The following NLRP9 variants were observed in gnomAD, a reference collection of about 807,000 sequenced individuals.
NLRP9 encodes NLR family pyrin domain containing 9.
A neutral mutation model predicts 83.1 loss-of-function variants in NLRP9; 88 were observed. The ratio of observed to expected loss-of-function variants is 1.06; its 90% CI spans 0.89 to 1.26. The LOEUF is 1.26. Among genes scored for constraint, NLRP9 ranks in the 50% most tolerant of loss-of-function variants. The pLI is 0.00. For synonymous variants in NLRP9, 521 were observed against 447.6 expected, an observed-to-expected ratio of 1.16 and a Z score of -2.07; for missense variants, 1,308 against 1,179.3, an observed-to-expected ratio of 1.11 and a Z score of -1.60.
At chr19:55,713,534 T>C (rs1042512452) in intron 6 of NLRP9, among the ~76,000 whole-genome samples, 1 of 147,926 alleles carries the variant, frequency 6.8e-6, no homozygotes, top group African/African-American at 2.5e-5. Flanking sequence ...GGAGACATTT[T>C]TGGTCTACCA....
chr19:55,716,775 C>T lies in NLRP9; in HGVS notation c.2283G>A (p.Leu761=), dbSNP rs201577867. 3 of 1,613,932 alleles carry T rather than the reference C, an allele frequency of 1.9e-6. No homozygotes were observed. The change falls in exon 5 of 9, where the codon TTG becomes TTA. Residue 761 remains leucine (L), a synonymous_variant. Transcript: ENST00000332836. ...ENPLRDEGMT[L]LCEALKHSHC... ...GTGAGTGCTTCAGGGCTTCACACAG[C>T]AACGTCATTCCTTCGTCCCTCAAGG... is the stretch of plus-strand genomic sequence containing the variant.
At chr19:55,722,759 A>G (rs1988268485) in intron 4 of NLRP9, among the ~76,000 whole-genome samples, 1 of 152,234 alleles carries the variant, frequency 6.6e-6, no homozygotes, top group Admixed American at 6.5e-5. Context: ...AACGCCCATC[A>G]ATGATAGACT....
At chr19:55,718,929 T>A (rs2122298991) in intron 4 of NLRP9, among the ~76,000 whole-genome samples, 1 of 152,354 alleles carries the variant, frequency 6.6e-6, no homozygotes. Context: ...TCTATCTGGC[T>A]GCACATCTGT....
At chr19:55,735,903 GT>G (rs1988772870) in intron 1 of NLRP9, among the ~76,000 whole-genome samples, 1 of 151,734 alleles carries the variant, frequency 6.6e-6, no homozygotes, top group Admixed American at 6.6e-5. Flanking sequence ...GGCCAGGCTG[GT>G]CTCGAACTCC....
In NLRP9 at chr19:55,731,995, T is replaced by A. The variant is rs779518188; in HGVS notation, c.1832+4A>T. ...TGGGACGGGGGATTAATAGACAGACTCACTCTGAGATGCATCCTGAGTCAT... is the reference window on the plus strand; with the variant it reads ...TGGGACGGGGGATTAATAGACAGACACACTCTGAGATGCATCCTGAGTCAT... On this transcript the variant is annotated splice_donor_region_variant and intron_variant, in intron 2 of 8. Transcript: ENST00000332836. 2.6e-6 allele frequency: 4 copies of A among 1,532,898 alleles called. No individual in the cohort carries two copies. The South Asian group carries it at 3.9e-5, about 15-fold the overall frequency. The allele number at this position is 1,532,898 out of a possible 1,614,324, so 95.0% of individuals were successfully genotyped here.
rs757445678 is a variant in NLRP9 at position 55,732,867 on chromosome 19, T to C, written c.964A>G (p.Asn322Asp). ...GEKSKALKVF[N>D]FVRDNGPLFI... ...AGCGGCCCATTATCTCTCACAAAAT[T>C]GAAGACTTTCAGGGCTTTGCTCTTC... Residue 322 changes from asparagine to aspartate, a missense_variant, in exon 2 of 9, where the codon AAT (asparagine) becomes GAT (aspartate). By Grantham distance (23) the Asn-to-Asp change is conservative. Transcript: ENST00000332836. 6.2e-7 allele frequency: 1 copy of C among 1,614,122 alleles called. No individual in the cohort carries two copies. The highest frequency in any genetic ancestry group is 2.2e-5 in the East Asian group (1 of 44,880).
Position 55,716,876 on chromosome 19 carries a change from T to A in NLRP9, c.2182A>T (p.Ser728Cys). ...GAGGCGATGTCTTCACAAACTTCAC[T>A]GGAGATGTCACACTTTCCCAGTCTA... ...ELILGKCDIS[S>C]EVCEDIASVL... Residue 728 changes from serine (S) to cysteine (C), a missense_variant, in exon 5 of 9, where the codon AGT becomes TGT. Coordinates refer to ENST00000332836, the MANE Select transcript of NLRP9 (RefSeq NM_176820.4). 6.2e-7 allele frequency: 1 copy of A among 1,613,856 alleles called. No homozygotes were observed. The highest frequency in any genetic ancestry group is 8.5e-7 in the Non-Finnish European group (1 of 1,179,930).
In NLRP9 at chr19:55,729,997, G is replaced by A. The variant is rs780293492; in HGVS notation, c.1833-5C>T. ...TAGACGAGCTTCTCATTGTAACTATGAGAGAACAAAGATTGTGATTCTCCA... is the reference window on the plus strand; with the variant it reads ...TAGACGAGCTTCTCATTGTAACTATAAGAGAACAAAGATTGTGATTCTCCA... On this transcript the variant is annotated splice_polypyrimidine_tract_variant and splice_region_variant and intron_variant, in intron 2 of 8. Coordinates refer to ENST00000332836, the MANE Select transcript of NLRP9 (RefSeq NM_176820.4). 2.5e-6 allele frequency: 4 copies of A among 1,609,646 alleles called. No individual in the cohort carries two copies. The highest frequency in any genetic ancestry group is 2.2e-5 in the South Asian group (2 of 90,778).
chr19:55,737,854 G>T (rs1988826771), intron 1 of NLRP9, among the ~76,000 whole-genome samples: 1 of 151,840 alleles, frequency 6.6e-6, no homozygotes, highest in Admixed American at 6.6e-5. Flanking sequence ...GACTCCACTT[G>T]GGGTGGAAAA....
At chr19:55,723,277 G>A (rs933449199) in intron 4 of NLRP9, among the ~76,000 whole-genome samples, 4 of 152,096 alleles carry the variant, frequency 2.6e-5, no homozygotes, top group Non-Finnish European at 5.9e-5. Context: ...TGGCTTTAAT[G>A]CTGTCAACTG....
intron 3 of NLRP9, among the ~76,000 whole-genome samples, chr19:55,726,262 A>G (rs750204442): frequency 6.6e-6 from 1 of 152,214 alleles, no homozygotes; most frequent in Non-Finnish European, 1.5e-5. Flanking sequence ...ATGAACATGT[A>G]ATCAGGAATC....
chr19:55,738,118 G>C lies in NLRP9; in HGVS notation c.257C>G (p.Thr86Arg), dbSNP rs766265422. Residue 86 changes from threonine (T) to arginine (R), a missense_variant, in exon 1 of 9, where the codon ACA becomes AGA. Coordinates refer to ENST00000332836, the MANE Select transcript of NLRP9 (RefSeq NM_176820.4). ...ACTTCTCATCTCTTCCTGAGCCTTTGTCCAGAGATCTTTCCTATTGATCTG... is the reference window on the plus strand; with the variant it reads ...ACTTCTCATCTCTTCCTGAGCCTTTCTCCAGAGATCTTTCCTATTGATCTG... Reference protein sequence around the residue: ...FLQINRKDLWTKAQEEMRNKL... With the variant: ...FLQINRKDLWRKAQEEMRNKL... 3.7e-6 allele frequency: 6 copies of C among 1,613,962 alleles called. No homozygotes were observed. Among genetic ancestry groups the C allele is most frequent in the Non-Finnish European group, 3.4e-6 (4 of 1,180,012 alleles).
chr19:55,722,998 G>A (rs775611395), intron 4 of NLRP9, among the ~76,000 whole-genome samples: 2 of 152,110 alleles, frequency 1.3e-5, no homozygotes, highest in African/African-American at 4.8e-5. Context: ...GCCTGTCGGT[G>A]GGTGGGGAGC....
chr19:55,721,257 T>C (rs1988217087), intron 4 of NLRP9, among the ~76,000 whole-genome samples: 1 of 152,238 alleles, frequency 6.6e-6, no homozygotes, highest in South Asian at 2.1e-4. Context: ...CTCTGTACTA[T>C]TATTGTAATT....
At chr19:55,736,346 G>A (rs770503003) in intron 1 of NLRP9, among the ~76,000 whole-genome samples, 18 of 151,848 alleles carry the variant, frequency 1.2e-4, no homozygotes, top group African/African-American at 2.2e-4. Flanking sequence ...AGCTGAGATC[G>A]CGCCACTGCA....
intron 1 of NLRP9, among the ~76,000 whole-genome samples, chr19:55,733,980 T>C (rs1197353224): frequency 2.1e-5 from 3 of 142,364 alleles, no homozygotes; most frequent in Non-Finnish European, 3.0e-5. Context: ...TGGAGTGCAG[T>C]GGCGGGATCT....
intron 3 of NLRP9, among the ~76,000 whole-genome samples, chr19:55,729,052 T>TTTTC (rs1555795587): frequency 3.8e-3 from 121 of 32,188 alleles, no homozygotes; most frequent in African/African-American, 9.0e-3. Flanking sequence ...TTCTTTTTCT[T>TTTTC]TTTTTTTTTT....
In NLRP9 at chr19:55,732,245, C is replaced by T. The variant is rs149058876; in HGVS notation, c.1586G>A (p.Ser529Asn). ...LKQEITQCLE[S>N]LSQCEADREA... ...CCTATCAGCTTCACATTGACTTAAA[C>T]TTTCAAGGCATTGGGTTATTTCCTG... Residue 529 changes from serine (S) to asparagine (N), a missense_variant, in exon 2 of 9, where the codon AGT becomes AAT. By Grantham distance (46) the Ser-to-Asn change is conservative. Transcript: ENST00000332836. 26 of 1,613,972 alleles carry T rather than the reference C, an allele frequency of 1.6e-5. No homozygotes were observed. The highest frequency in any genetic ancestry group is 1.1e-4 in the African/African-American group (8 of 74,936).
At chr19:55,719,178 G>A (rs1988139284) in intron 4 of NLRP9, among the ~76,000 whole-genome samples, 1 of 152,210 alleles carries the variant, frequency 6.6e-6, no homozygotes. Flanking sequence ...ATTTGCTAGA[G>A]TGGATCACAG....
Sources: gnomAD v4.1 joint callset for allele counts (sites outside exome capture counted in the v4.1 genomes callset) on GRCh38, gnomAD v4.1.1 for gene constraint, MANE v1.5 for transcripts, NCBI Gene and HGNC (gene_info 2026-07-23, HGNC 2026-07-21) for gene names.